Variants in ABLIM2 observed in about 807,000 individuals in gnomAD.
ABLIM2 encodes actin-binding LIM protein 2.
ABLIM2 carries 53 observed loss-of-function variants against 97.7 expected under a neutral mutation model. The ratio of observed to expected loss-of-function variants is 0.54; its 90% CI spans 0.44 to 0.68. ABLIM2 has a LOEUF of 0.68. Ranked by LOEUF, ABLIM2 falls within the 30% of genes least tolerant of loss-of-function variation. The pLI, the probability that ABLIM2 is intolerant of heterozygous loss-of-function variation, is 0.00. For synonymous variants in ABLIM2, 361 were observed against 345.8 expected, an observed-to-expected ratio of 1.04 and a Z score of -0.49; for missense variants, 835 against 867.2, an observed-to-expected ratio of 0.96 and a Z score of 0.47.
At position 7,966,926 on chromosome 4, in the gene ABLIM2, G is replaced by T; in HGVS notation, c.*64C>A. 8.8e-7 allele frequency: 1 copy of T among 1,137,616 alleles called. No homozygotes were observed. The highest frequency in any genetic ancestry group is 1.3e-6 in the Non-Finnish European group (1 of 765,464). The allele number at this position is 1,137,616 out of a possible 1,614,324, so 70.5% of individuals were successfully genotyped here. ...CAAGGTGTGTGGGAGGGGTGTGTGC[G>T]GTTCTCGCCAGGGGCCCCTGGCCTC... is the stretch of plus-strand genomic sequence containing the variant. On this transcript the variant is annotated 3_prime_UTR_variant, in exon 21 of 21. Transcript: ENST00000447017.
intron 20 of ABLIM2, among the ~76,000 whole-genome samples, chr4:7,982,441 C>T (rs74922598): frequency 6.6e-6 from 1 of 152,172 alleles, no homozygotes; most frequent in Non-Finnish European, 1.5e-5. Context: ...GCTGGGACAC[C>T]GTAGGGCGGT....
At chr4:8,030,226 G>A (rs1286859833) in intron 10 of ABLIM2, among the ~76,000 whole-genome samples, 1 of 152,198 alleles carries the variant, frequency 6.6e-6, no homozygotes, top group Non-Finnish European at 1.5e-5. Context: ...GAGGTAGAAA[G>A]TTACTCCACC....
At chr4:8,144,621 C>T (rs1451780083) in intron 1 of ABLIM2, among the ~76,000 whole-genome samples, 1 of 152,196 alleles carries the variant, frequency 6.6e-6, no homozygotes, top group Non-Finnish European at 1.5e-5. Flanking sequence ...AGTGCCAGCC[C>T]AGCGGGTGAC....
intron 20 of ABLIM2, among the ~76,000 whole-genome samples, chr4:7,969,730 G>GACACTGACACACACACAC (rs1553873854): frequency 7.2e-6 from 1 of 139,576 alleles, no homozygotes; most frequent in African/African-American, 2.7e-5. Context: ...CTCTCTCTCT[G>GACACTGACACACACACAC]ACACACACAC....
rs189824276 is a variant in ABLIM2 at position 8,091,838 on chromosome 4, T to C, written c.339-3554A>G. ...TATATAATATATTATATAAATAATA[T>C]AATATATTATTTATACAATATATTA... On this transcript the variant is annotated intron_variant, in intron 3 of 20. Coordinates refer to ENST00000447017, the MANE Select transcript of ABLIM2 (RefSeq NM_001130083.2). Among the ~76,000 whole-genome samples, 13 of 99,674 alleles carry C rather than the reference T, an allele frequency of 1.3e-4. 2 individuals carry two copies. Among genetic ancestry groups the C allele is most frequent in the African/African-American group, 4.0e-4 (10 of 24,848 alleles). The allele number at this position is 99,674 out of a possible 152,430, so 65.4% of individuals were successfully genotyped here.
chr4:8,028,042 C>T (rs1220606820), intron 11 of ABLIM2, among the ~76,000 whole-genome samples, 185 bp from the exon 12 acceptor site: 1 of 152,224 alleles, frequency 6.6e-6, no homozygotes, highest in Non-Finnish European at 1.5e-5. Context: ...GCGAGGAAAC[C>T]GGACCTCAGA....
chr4:8,061,872 G>C lies in ABLIM2; in HGVS notation c.676-818C>G, dbSNP rs1316218022. On this transcript the variant is annotated intron_variant, in intron 6 of 20. Coordinates refer to ENST00000447017, the MANE Select transcript of ABLIM2 (RefSeq NM_001130083.2). The surrounding 1 kb of genome is among the most constrained non-coding windows in gnomAD (Gnocchi z 4.5). ...GAATCAGTAAGTAAAGGGCTGAAAT[G>C]TCATTTTGAGCATCCCGTTTTCCCT... 6.6e-6 allele frequency among the ~76,000 whole-genome samples: 1 copy of C among 152,114 alleles called. No individual in the cohort carries two copies. Among genetic ancestry groups the C allele is most frequent in the East Asian group, 1.9e-4 (1 of 5,186 alleles).
chr4:8,104,522 G>A (rs4696758), intron 2 of ABLIM2, among the ~76,000 whole-genome samples: 79,649 of 152,054 alleles, frequency 0.52, 21,215 homozygotes, highest in Admixed American at 0.59. Flanking sequence ...AAGTGCCCCC[G>A]GTGATGTCCC....
intron 6 of ABLIM2, among the ~76,000 whole-genome samples, chr4:8,074,060 C>T (rs968511893): frequency 3.0e-5 from 4 of 131,984 alleles, no homozygotes; most frequent in African/African-American, 1.2e-4. Flanking sequence ...GCACTCTAGC[C>T]TGAATGACAA....
chr4:8,000,187 A>T (rs1276877756), intron 16 of ABLIM2, among the ~76,000 whole-genome samples: 1 of 152,084 alleles, frequency 6.6e-6, no homozygotes. Context: ...GGTGAATGAG[A>T]GGCCCCTTGG....
At position 8,124,957 on chromosome 4, in the gene ABLIM2, C is replaced by A. The variant is rs938430378; in HGVS notation, c.11-18320G>T. Among the ~76,000 whole-genome samples the A allele has an allele frequency of 1.3e-5, 2 of 152,270 alleles. No individual in the cohort carries two copies. Among genetic ancestry groups the A allele is most frequent in the Admixed American group, 1.3e-4 (2 of 15,298 alleles). On this transcript the variant is annotated intron_variant, in intron 1 of 20. Coordinates refer to ENST00000447017, the MANE Select transcript of ABLIM2 (RefSeq NM_001130083.2). This position sits in a 1 kb window ranked among gnomAD's most constrained non-coding sequence, Gnocchi z 6.1. ...GCGTCTCACTGGGATTCTGATGTGCCGTTCCCTGTGGGCGAATGATGCTGG... is the reference window on the plus strand; with the variant it reads ...GCGTCTCACTGGGATTCTGATGTGCAGTTCCCTGTGGGCGAATGATGCTGG...
At position 8,110,819 on chromosome 4, in the gene ABLIM2, G is replaced by A. The variant is rs971403229; in HGVS notation, c.11-4182C>T. Reference sequence around the variant, plus strand: ...CGCGATGGGAGATAGACATTGCGCCGTGGGGACGCCGCTGCCTCCATGCAG... The same window carrying A: ...CGCGATGGGAGATAGACATTGCGCCATGGGGACGCCGCTGCCTCCATGCAG... On this transcript the variant is annotated intron_variant, in intron 1 of 20. Coordinates refer to ENST00000447017, the MANE Select transcript of ABLIM2 (RefSeq NM_001130083.2). 1.1e-4 allele frequency among the ~76,000 whole-genome samples: 17 copies of A among 152,234 alleles called. No individual in the cohort carries two copies. The East Asian group carries it at 1.2e-3, about 10-fold the overall frequency.
intron 8 of ABLIM2, among the ~76,000 whole-genome samples, chr4:8,049,895 G>A (rs1009474209): frequency 2.0e-5 from 3 of 152,072 alleles, no homozygotes; most frequent in African/African-American, 7.2e-5. Context: ...GCCTGGCTAA[G>A]TTTTGTATTT....
At chr4:8,121,306 C>A (rs1345283691) in intron 1 of ABLIM2, among the ~76,000 whole-genome samples, 6 of 152,242 alleles carry the variant, frequency 3.9e-5, no homozygotes, top group African/African-American at 1.4e-4. Flanking sequence ...CACCCCCGCT[C>A]AGGCTGGCTG....
intron 1 of ABLIM2, among the ~76,000 whole-genome samples, chr4:8,111,141 G>A (rs1840098131): frequency 3.9e-5 from 6 of 152,244 alleles, no homozygotes; most frequent in Admixed American, 2.6e-4. Flanking sequence ...GGTGTATCCA[G>A]ACGATGAAAT....
chr4:8,094,982 TTC>T lies in ABLIM2; in HGVS notation c.338+2115_338+2116del, dbSNP rs755133423. Among the ~76,000 whole-genome samples the T allele has an allele frequency of 1.7e-3, 231 of 133,622 alleles. 1 individual carries two copies. The highest frequency in any genetic ancestry group is 6.6e-3 in the African/African-American group (218 of 32,832). The allele number at this position is 133,622 out of a possible 152,430, so 87.7% of individuals were successfully genotyped here. ...TCCCTCCCTCCTTCCCTCCCTTTCT[TTC>T]TCTTTCTTTTCCTTTTTCTTTCTTT... On this transcript the variant is annotated intron_variant, in intron 3 of 20. Coordinates refer to ENST00000447017, the MANE Select transcript of ABLIM2 (RefSeq NM_001130083.2).
chr4:8,037,342 A>ACG (rs138848615), intron 9 of ABLIM2, among the ~76,000 whole-genome samples: 3 of 146,448 alleles, frequency 2.0e-5, no homozygotes, highest in Non-Finnish European at 3.0e-5. Context: ...ACATGCAGGC[A>ACG]CACACACACA....
chr4:8,085,578 G>A lies in ABLIM2; in HGVS notation c.454+2591C>T, dbSNP rs11731829. Among the ~76,000 whole-genome samples, 31,880 of 143,550 alleles carry A rather than the reference G, an allele frequency of 0.22. 4,202 individuals are homozygous for A. The highest frequency in any genetic ancestry group is 0.33 in the Middle Eastern group (84 of 254). 94.2% of individuals were successfully genotyped at this position (143,550 alleles called of 152,430 possible). ...ACATGGCTCTGGGGGTGCCCACGCT[G>A]CAGCCCCGTCCACTCACGCGGGTCT... On this transcript the variant is annotated intron_variant, in intron 4 of 20. Coordinates refer to ENST00000447017, the MANE Select transcript of ABLIM2 (RefSeq NM_001130083.2). The surrounding 1 kb of genome is among the most constrained non-coding windows in gnomAD (Gnocchi z 6.1).
chr4:8,126,599 G>A (rs1483421224), intron 1 of ABLIM2, among the ~76,000 whole-genome samples: 1 of 152,120 alleles, frequency 6.6e-6, no homozygotes, highest in East Asian at 1.9e-4. Context: ...GATGGGCCCT[G>A]TCTTTTATGT....
Sources: allele counts gnomAD v4.1 joint callset (sites outside exome capture counted in the v4.1 genomes callset), GRCh38; gene constraint gnomAD v4.1.1; non-coding constraint Gnocchi (gnomAD v3.1); transcripts MANE v1.5; gene names NCBI Gene and HGNC (gene_info 2026-07-23, HGNC 2026-07-21).